The following CORO2A variants were observed in gnomAD, a reference collection of about 807,000 sequenced individuals.
CORO2A encodes the protein coronin 2A, also known as coronin-2A.
CORO2A carries 47 observed loss-of-function variants against 62.4 expected under a neutral mutation model. The ratio of observed to expected loss-of-function variants is 0.75; its 90% CI spans 0.60 to 0.96. The LOEUF (loss-of-function observed/expected upper bound fraction) is 0.96, where lower values mean the gene tolerates loss of function less well. CORO2A is among the 40% of genes least tolerant of loss of function. The pLI, the probability that CORO2A is intolerant of heterozygous loss-of-function variation, is 0.00. For synonymous variants in CORO2A, 273 were observed against 268.9 expected, an observed-to-expected ratio of 1.02 and a Z score of -0.15; for missense variants, 610 against 684.1, an observed-to-expected ratio of 0.89 and a Z score of 1.21.
At chr9:98,148,570 C>T (rs1827678416) in intron 2 of CORO2A, among the ~76,000 whole-genome samples, 1 of 151,786 alleles carries the variant, frequency 6.6e-6, no homozygotes, top group Admixed American at 6.6e-5. Flanking sequence ...CAAAACCTCA[C>T]CTCTACATAA....
intron 1 of CORO2A, among the ~76,000 whole-genome samples, chr9:98,176,599 G>C (rs187730449): frequency 6.6e-6 from 1 of 152,118 alleles, no homozygotes; most frequent in Non-Finnish European, 1.5e-5. Flanking sequence ...TGGCTCCACT[G>C]GGGGGTGGGG....
rs368890494 is a variant in CORO2A at position 98,163,730 on chromosome 9, A to ATGTGTGTGTGTGTGTATG, written c.1-6071_1-6070insCATACACACACACACACA. ...ATGCGGGGTGTGTGTGTGTGTGTGTATGTGTGTGTGTGAGAGAGAGAGAGA... is the reference window on the plus strand; with the variant it reads ...ATGCGGGGTGTGTGTGTGTGTGTGTATGTGTGTGTGTGTGTATGTGTGTGTGTGTGAGAGAGAGAGAGA... On this transcript the variant is annotated intron_variant, in intron 1 of 11. Transcript: ENST00000375077. Among the ~76,000 whole-genome samples the ATGTGTGTGTGTGTGTATG allele has an allele frequency of 4.3e-3, 583 of 135,938 alleles. 5 individuals carry two copies. Among genetic ancestry groups the ATGTGTGTGTGTGTGTATG allele is most frequent in the African/African-American group, 0.015 (553 of 36,886 alleles). 89.2% of individuals were successfully genotyped at this position (135,938 alleles called of 152,430 possible). A position where few individuals can be genotyped will look rare whatever the true frequency, so the allele number is the denominator to read the frequency against.
At chr9:98,129,980 C>CT (rs1212233724) in intron 7 of CORO2A, 90 bp from the exon 8 acceptor site, 10 of 975,126 alleles carry the variant, frequency 1.0e-5, no homozygotes, top group African/African-American at 8.0e-5. Context: ...AAAGACCTGG[C>CT]TTTTTTTGAT....
At chr9:98,181,304 G>C (rs1828173805) in intron 1 of CORO2A, among the ~76,000 whole-genome samples, 1 of 141,404 alleles carries the variant, frequency 7.1e-6, no homozygotes, top group Non-Finnish European at 1.5e-5. Flanking sequence ...CCAGCCTCCT[G>C]TCCCACCTTC....
In CORO2A at chr9:98,134,840, G is replaced by A. The variant is rs1424349502; in HGVS notation, c.434C>T (p.Ala145Val). 5.6e-6 allele frequency: 9 copies of A among 1,613,912 alleles called. No individual in the cohort carries two copies. The highest frequency in any genetic ancestry group is 7.6e-6 in the Non-Finnish European group (9 of 1,179,904). The change falls in exon 4 of 12, where the codon GCC becomes GTC. Residue 145 changes from alanine to valine, a missense_variant. Ala to Val is a moderately conservative substitution (Grantham distance 64). Transcript: ENST00000375077. ...VGLVEWHPTAANILFSAGYDY... is the reference protein window; with the variant it reads ...VGLVEWHPTAVNILFSAGYDY... ...ATAGCCAGCACTGAAGAGGATGTTG[G>A]CGGCCGTGGGGTGCCACTCCACCAG... is the stretch of plus-strand genomic sequence containing the variant.
At chr9:98,158,342 G>A (rs1157888127) in intron 1 of CORO2A, among the ~76,000 whole-genome samples, 1 of 152,168 alleles carries the variant, frequency 6.6e-6, no homozygotes, top group Non-Finnish European at 1.5e-5. Flanking sequence ...TTGTCATAAG[G>A]ATTAAGTTAG....
chr9:98,167,495 C>T (rs1468450233), intron 1 of CORO2A, among the ~76,000 whole-genome samples: 1 of 152,070 alleles, frequency 6.6e-6, no homozygotes. Context: ...ATGAAATATA[C>T]ATATATTTTT....
intron 3 of CORO2A, 97 bp from the exon 4 acceptor site, chr9:98,135,052 C>T: frequency 6.7e-7 from 1 of 1,488,752 alleles, no homozygotes; most frequent in Non-Finnish European, 9.0e-7. Flanking sequence ...AGCAGAAGGA[C>T]CAAGGGAGCT....
chr9:98,144,776 A>G (rs1258552299), intron 2 of CORO2A, among the ~76,000 whole-genome samples: 1 of 152,132 alleles, frequency 6.6e-6, no homozygotes, highest in African/African-American at 2.4e-5. Context: ...AGGCTGAAGC[A>G]GCCAGCGGGC....
intron 10 of CORO2A, 123 bp downstream of exon 10, chr9:98,128,047 G>T (rs554183526): frequency 5.1e-5 from 37 of 730,720 alleles, no homozygotes; most frequent in Non-Finnish European, 8.4e-5. Flanking sequence ...GAAGGTCAAG[G>T]GCATGGCTTC....
At chr9:98,127,274 A>G (rs777405102) in intron 10 of CORO2A, among the ~76,000 whole-genome samples, 1 of 152,056 alleles carries the variant, frequency 6.6e-6, no homozygotes, top group Non-Finnish European at 1.5e-5. Context: ...CAAAACTAGG[A>G]CTCGGCCCTG....
intron 1 of CORO2A, among the ~76,000 whole-genome samples, chr9:98,184,410 CT>C (rs1319666923): frequency 6.6e-6 from 1 of 152,130 alleles, no homozygotes; most frequent in African/African-American, 2.4e-5. Flanking sequence ...AGCTTGATGT[CT>C]GTCTGAATAT....
chr9:98,179,305 C>T (rs555506732), intron 1 of CORO2A, among the ~76,000 whole-genome samples: 4 of 152,334 alleles, frequency 2.6e-5, no homozygotes, highest in East Asian at 1.9e-4. Flanking sequence ...CCCTGCAGGA[C>T]GCGGAGACCC....
chr9:98,167,443 T>G (rs1289535140), intron 1 of CORO2A, among the ~76,000 whole-genome samples: 2 of 152,246 alleles, frequency 1.3e-5, no homozygotes, highest in African/African-American at 2.4e-5. Context: ...CACTTAAGAA[T>G]GATTTAGATG....
chr9:98,168,659 A>G (rs1827992999), intron 1 of CORO2A, among the ~76,000 whole-genome samples: 1 of 152,242 alleles, frequency 6.6e-6, no homozygotes, highest in African/African-American at 2.4e-5. Flanking sequence ...TTAGTGTTCA[A>G]AAGACGTTGG....
chr9:98,134,205 C>A (rs989744490), intron 4 of CORO2A, among the ~76,000 whole-genome samples: 3 of 152,236 alleles, frequency 2.0e-5, no homozygotes, highest in African/African-American at 7.2e-5. Flanking sequence ...AGTCAAGGCA[C>A]TTTCCCAGGC....
chr9:98,157,221 A>G (rs957398251), intron 2 of CORO2A: 13 of 437,422 alleles, frequency 3.0e-5, no homozygotes, highest in Non-Finnish European at 5.3e-5. Context: ...GCAGAATTAT[A>G]TTGCAGAGAA....
intron 1 of CORO2A, among the ~76,000 whole-genome samples, chr9:98,163,165 G>T (rs1827908538): frequency 6.6e-6 from 1 of 152,222 alleles, no homozygotes; most frequent in Non-Finnish European, 1.5e-5. Flanking sequence ...AGTCATCTCT[G>T]GGTTTTGCAT....
intron 1 of CORO2A, among the ~76,000 whole-genome samples, chr9:98,185,960 G>A (rs1403220657): frequency 6.6e-6 from 1 of 152,200 alleles, no homozygotes; most frequent in African/African-American, 2.4e-5. Context: ...CTGCAGTGTG[G>A]GCAAAGCCCC....
Sources: gnomAD v4.1 joint callset for allele counts (sites outside exome capture counted in the v4.1 genomes callset) on GRCh38, gnomAD v4.1.1 for gene constraint, MANE v1.5 for transcripts, NCBI Gene and HGNC (gene_info 2026-07-23, HGNC 2026-07-21) for gene names.